Variants in PCDH9 observed in about 807,000 individuals in gnomAD.
The protein encoded by PCDH9 is protocadherin 9.
Under a neutral mutation model 70.6 loss-of-function variants are expected in PCDH9, and 24 were observed. The observed-to-expected ratio is 0.34, with a 90% CI of 0.25 to 0.48. PCDH9 has a LOEUF of 0.48. Ranked by LOEUF, PCDH9 falls within the 20% of genes least tolerant of loss-of-function variation. PCDH9 has a pLI of 0.99. For missense variants in PCDH9, 1,281 were observed against 1,503.6 expected (o/e 0.85, Z 2.45); for synonymous variants, 562 against 558.5 (o/e 1.01, Z -0.09).
intron 2 of PCDH9, among the ~76,000 whole-genome samples, chr13:67,078,584 G>A (rs1277244202): frequency 6.6e-6 from 1 of 152,024 alleles, no homozygotes; most frequent in Non-Finnish European, 1.5e-5. Context: ...CCATAAAATG[G>A]TAAGCTCAAA....
intron 4 of PCDH9, among the ~76,000 whole-genome samples, chr13:66,617,903 C>T (rs899562326): frequency 1.3e-5 from 2 of 152,084 alleles, no homozygotes; most frequent in African/African-American, 4.8e-5. Flanking sequence ...AGCAGTTCTT[C>T]GTCCTTAACT....
chr13:66,525,904 C>T (rs1960198540), intron 4 of PCDH9, among the ~76,000 whole-genome samples: 1 of 152,080 alleles, frequency 6.6e-6, no homozygotes, highest in Non-Finnish European at 1.5e-5. Flanking sequence ...CAATTTAATC[C>T]TTACGTTATA....
intron 2 of PCDH9, among the ~76,000 whole-genome samples, chr13:66,949,727 G>T (rs1455006841): frequency 6.6e-6 from 1 of 152,008 alleles, no homozygotes; most frequent in Admixed American, 6.6e-5. Context: ...ACAAGAAACA[G>T]AATAGAGCTT....
rs567408801 is a variant in PCDH9 at position 67,051,382 on chromosome 13, ATTTTTTT to A, written c.3037-147784_3037-147778del. On this transcript the variant is annotated intron_variant, in intron 2 of 4. Coordinates refer to ENST00000377865, the MANE Select transcript of PCDH9 (RefSeq NM_203487.3). Reference sequence around the variant, plus strand: ...CGAAATACCAGGAAAACAATACAAGATTTTTTTTTTTTTTTTTTTTTTTTTTTTGAGA... The same window carrying A: ...CGAAATACCAGGAAAACAATACAAGATTTTTTTTTTTTTTTTTTTTTGAGA... Among the ~76,000 whole-genome samples, 632 of 71,052 alleles carry A rather than the reference ATTTTTTT, an allele frequency of 8.9e-3. 5 individuals carry two copies. The highest frequency in any genetic ancestry group is 0.035 in the East Asian group (91 of 2,608). 46.6% of individuals were successfully genotyped at this position (71,052 alleles called of 152,430 possible).
chr13:66,746,901 C>G (rs879838951), intron 3 of PCDH9, among the ~76,000 whole-genome samples: 1 of 152,018 alleles, frequency 6.6e-6, no homozygotes, highest in Non-Finnish European at 1.5e-5. Flanking sequence ...TTGTGTGAGA[C>G]TACTAAATGT....
chr13:67,011,723 T>A (rs1368505103), intron 2 of PCDH9, among the ~76,000 whole-genome samples: 3 of 151,938 alleles, frequency 2.0e-5, no homozygotes, highest in African/African-American at 4.8e-5. Context: ...GAGTGAGTCA[T>A]GCATGATGGT....
chr13:66,404,365 A>T (rs946534979), intron 4 of PCDH9, among the ~76,000 whole-genome samples: 2 of 152,164 alleles, frequency 1.3e-5, no homozygotes, highest in African/African-American at 4.8e-5. Context: ...CCAAGAATGA[A>T]AATATGGTTT....
chr13:66,928,600 C>G (rs1360945649), intron 2 of PCDH9, among the ~76,000 whole-genome samples: 1 of 151,932 alleles, frequency 6.6e-6, no homozygotes, highest in African/African-American at 2.4e-5. Context: ...AAGGGCAGAT[C>G]CCCTATGAAT....
intron 3 of PCDH9, among the ~76,000 whole-genome samples, chr13:66,888,524 A>T (rs2082045241): frequency 6.6e-6 from 1 of 151,304 alleles, no homozygotes; most frequent in Non-Finnish European, 1.5e-5. Flanking sequence ...AAAATAAAAA[A>T]TAAATATCAG....
chr13:66,402,206 A>T (rs1053734826), intron 4 of PCDH9, among the ~76,000 whole-genome samples: 1 of 152,156 alleles, frequency 6.6e-6, no homozygotes, highest in Non-Finnish European at 1.5e-5. Flanking sequence ...CAACAAGATG[A>T]ATAAAGGTGA....
At position 67,119,477 on chromosome 13, in the gene PCDH9, A is replaced by T. The variant is rs147355983; in HGVS notation, c.3036+105928T>A. 1.2e-3 allele frequency among the ~76,000 whole-genome samples: 179 copies of T among 152,276 alleles called. 2 individuals carry two copies. The South Asian group carries it at 0.02, about 17-fold the overall frequency. On this transcript the variant is annotated intron_variant, in intron 2 of 4. Coordinates refer to ENST00000377865, the MANE Select transcript of PCDH9 (RefSeq NM_203487.3). ...ATAACTTTCAAACATATTCTTAGAC[A>T]TTGTCTAATATAAGGTAAATAAATG...
intron 4 of PCDH9, among the ~76,000 whole-genome samples, chr13:66,486,700 G>A (rs2138522295): frequency 6.6e-6 from 1 of 150,846 alleles, no homozygotes; most frequent in African/African-American, 2.4e-5. Flanking sequence ...TATGTAATAT[G>A]CATGATCTCA....
intron 2 of PCDH9, among the ~76,000 whole-genome samples, chr13:67,019,216 T>C (rs1380561241): frequency 4.9e-5 from 6 of 121,906 alleles, no homozygotes; most frequent in Non-Finnish European, 6.6e-5. Flanking sequence ...TTTTCTGAGA[T>C]GGAGTCTTGC....
At chr13:66,994,197 T>C (rs2084060486) in intron 2 of PCDH9, among the ~76,000 whole-genome samples, 1 of 152,264 alleles carries the variant, frequency 6.6e-6, no homozygotes, top group Admixed American at 6.5e-5. Flanking sequence ...CTGGCGACTC[T>C]TGGTAACTCC....
At chr13:66,381,220 G>A (rs1177118354) in intron 4 of PCDH9, among the ~76,000 whole-genome samples, 2 of 152,108 alleles carry the variant, frequency 1.3e-5, no homozygotes, top group African/African-American at 4.8e-5. Context: ...TTCCACAGGT[G>A]ACAAAATTAC....
chr13:66,653,734 G>A (rs1381068214), intron 3 of PCDH9, among the ~76,000 whole-genome samples: 2 of 152,002 alleles, frequency 1.3e-5, no homozygotes, highest in Non-Finnish European at 2.9e-5. Context: ...TTGGGAGGCC[G>A]AGGTTGGCGG....
In PCDH9 at chr13:66,345,944, G is replaced by A. The variant is rs116711954; in HGVS notation, c.3341-40916C>T. On this transcript the variant is annotated intron_variant, in intron 4 of 4. Transcript: ENST00000377865. ...TTGAAGTGTACACCACACAATAAGC[G>A]TATAGGGGAAAAGCCGTCAATAAAA... Among the ~76,000 whole-genome samples the A allele has an allele frequency of 3.2e-3, 484 of 152,240 alleles. 4 individuals are homozygous for A. The highest frequency in any genetic ancestry group is 0.011 in the African/African-American group (459 of 41,536).
intron 2 of PCDH9, among the ~76,000 whole-genome samples, chr13:66,991,603 T>C (rs1467199392): frequency 6.6e-6 from 1 of 152,130 alleles, no homozygotes; most frequent in Non-Finnish European, 1.5e-5. Context: ...TTCATTTGAC[T>C]AACTACTTTT....
chr13:66,464,793 A>G (rs1290744272), intron 4 of PCDH9, among the ~76,000 whole-genome samples: 75 of 151,948 alleles, frequency 4.9e-4, no homozygotes, highest in Admixed American at 4.9e-3. Context: ...TTAGAAAGAG[A>G]TAAGTGTAAG....
Sources: allele counts gnomAD v4.1 joint callset (sites outside exome capture counted in the v4.1 genomes callset), GRCh38; gene constraint gnomAD v4.1.1; transcripts MANE v1.5; gene names NCBI Gene and HGNC (gene_info 2026-07-23, HGNC 2026-07-21).